The following UVRAG variants were observed in gnomAD, a reference collection of about 807,000 sequenced individuals.
The protein encoded by UVRAG is UV radiation resistance-associated gene protein.
UVRAG carries 19 observed loss-of-function variants against 78.0 expected under a neutral mutation model. That is an observed-to-expected ratio of 0.24 (90% CI 0.17 to 0.36). The LOEUF (loss-of-function observed/expected upper bound fraction) is 0.36. Among genes scored for constraint, UVRAG ranks in the 10% least tolerant of loss-of-function variants. The probability of loss-of-function intolerance (pLI) is 1.00; values close to 1 mark genes in which losing one functional copy is unlikely to be tolerated. For synonymous variants in UVRAG, 323 were observed against 324.6 expected, an observed-to-expected ratio of 1.00 and a Z score of 0.05; for missense variants, 740 against 853.8, an observed-to-expected ratio of 0.87 and a Z score of 1.66.
chr11:76,009,497 A>G (rs2135350586), intron 11 of UVRAG, among the ~76,000 whole-genome samples: 1 of 152,264 alleles, frequency 6.6e-6, no homozygotes, highest in Middle Eastern at 3.4e-3. Context: ...ATTGTTAGCC[A>G]AGTGGGTTCT....
At chr11:76,106,314 G>GTA (rs1951968655) in intron 13 of UVRAG, among the ~76,000 whole-genome samples, 2 of 152,046 alleles carry the variant, frequency 1.3e-5, no homozygotes, top group African/African-American at 4.8e-5. Flanking sequence ...TGATCTGAGT[G>GTA]TATAGTTCTT....
intron 14 of UVRAG, among the ~76,000 whole-genome samples, chr11:76,136,665 T>G (rs1440315679): frequency 6.6e-6 from 1 of 151,128 alleles, no homozygotes; most frequent in Non-Finnish European, 1.5e-5. Flanking sequence ...ACCCAGCTAA[T>G]TTTTTAATTT....
chr11:76,126,863 A>G (rs1952407466), intron 14 of UVRAG, among the ~76,000 whole-genome samples: 1 of 152,178 alleles, frequency 6.6e-6, no homozygotes, highest in South Asian at 2.1e-4. Context: ...GTTGGACTGC[A>G]CACAAATACC....
chr11:75,957,505 G>A (rs1375790280), intron 6 of UVRAG, among the ~76,000 whole-genome samples: 2 of 151,194 alleles, frequency 1.3e-5, no homozygotes, highest in Admixed American at 6.6e-5. Flanking sequence ...TTTCAAGATT[G>A]GTTTGTCCCT....
intron 12 of UVRAG, among the ~76,000 whole-genome samples, chr11:76,053,968 CAAA>C (rs11390273): frequency 2.4e-5 from 3 of 123,652 alleles, no homozygotes; most frequent in Admixed American, 8.3e-5. Flanking sequence ...GACTCCATCT[CAAA>C]AAAAAAAAAA....
At chr11:75,839,559 CTTGT>C (rs1182674507) in intron 1 of UVRAG, among the ~76,000 whole-genome samples, 1 of 151,672 alleles carries the variant, frequency 6.6e-6, no homozygotes, top group Non-Finnish European at 1.5e-5. Context: ...TTATCTTTGA[CTTGT>C]TTGTCTCTTT....
At chr11:75,822,456 C>A (rs542367402) in intron 1 of UVRAG, among the ~76,000 whole-genome samples, 1 of 152,322 alleles carries the variant, frequency 6.6e-6, no homozygotes, top group Non-Finnish European at 1.5e-5. Context: ...CTGCCACAAT[C>A]TCCTTAGAGT....
intron 1 of UVRAG, among the ~76,000 whole-genome samples, chr11:75,828,805 A>ATATATATATT (rs1478310271): frequency 1.0e-4 from 10 of 100,268 alleles, no homozygotes; most frequent in African/African-American, 3.6e-4. Context: ...ATATATATAT[A>ATATATATATT]TTTTTTTTTT....
intron 13 of UVRAG, among the ~76,000 whole-genome samples, chr11:76,109,255 T>C (rs2134455924): frequency 1.3e-5 from 2 of 152,304 alleles, no homozygotes; most frequent in African/African-American, 4.8e-5. Context: ...GTAAGATTTC[T>C]TAGAGACAAG....
intron 13 of UVRAG, among the ~76,000 whole-genome samples, chr11:76,097,119 A>T (rs1260886128): frequency 6.6e-6 from 1 of 152,124 alleles, no homozygotes; most frequent in Non-Finnish European, 1.5e-5. Flanking sequence ...TCTCCAGAAC[A>T]TTGCGTTTCC....
intron 12 of UVRAG, among the ~76,000 whole-genome samples, chr11:76,055,960 C>T (rs972505356): frequency 9.2e-5 from 14 of 152,142 alleles, no homozygotes; most frequent in African/African-American, 3.4e-4. Context: ...CTGCCCACCT[C>T]GGCCTCCCAA....
chr11:76,137,021 A>G (rs1298096030), intron 14 of UVRAG, among the ~76,000 whole-genome samples: 1 of 152,200 alleles, frequency 6.6e-6, no homozygotes, highest in East Asian at 1.9e-4. Flanking sequence ...GAGCTTGGCT[A>G]TCTTAAAAAT....
intron 2 of UVRAG, among the ~76,000 whole-genome samples, chr11:75,852,712 C>T (rs1190622837): frequency 2.0e-5 from 3 of 152,138 alleles, no homozygotes; most frequent in African/African-American, 4.8e-5. Context: ...TGGAACTTCA[C>T]TCTCCCCATT....
intron 1 of UVRAG, among the ~76,000 whole-genome samples, chr11:75,837,057 C>T (rs556054078): frequency 6.5e-4 from 98 of 151,852 alleles, no homozygotes; most frequent in Non-Finnish European, 1.2e-3. Context: ...TGGCCAGGAG[C>T]GGTGGCTCAC....
At chr11:75,881,835 A>C (rs1946952296) in intron 4 of UVRAG, among the ~76,000 whole-genome samples, 1 of 152,202 alleles carries the variant, frequency 6.6e-6, no homozygotes, top group African/African-American at 2.4e-5. Context: ...ATTTATAGCA[A>C]CCTTGTGAAG....
At chr11:75,945,425 A>G (rs1455529440) in intron 6 of UVRAG, among the ~76,000 whole-genome samples, 2 of 152,150 alleles carry the variant, frequency 1.3e-5, no homozygotes, top group Non-Finnish European at 2.9e-5. Flanking sequence ...TATAGATGAT[A>G]TGAAGTCTAG....
intron 3 of UVRAG, among the ~76,000 whole-genome samples, chr11:75,864,653 T>G (rs1254170818): frequency 6.6e-6 from 1 of 152,274 alleles, no homozygotes; most frequent in Non-Finnish European, 1.5e-5. Flanking sequence ...CCATTGTGCT[T>G]GGCACACAGA....
chr11:75,910,655 A>G (rs1565375425), intron 5 of UVRAG, among the ~76,000 whole-genome samples: 2 of 151,754 alleles, frequency 1.3e-5, no homozygotes. Context: ...TTATCAAGAC[A>G]GGGGAATTGC....
chr11:75,926,589 T>C (rs1217117201), intron 6 of UVRAG, among the ~76,000 whole-genome samples: 1 of 152,214 alleles, frequency 6.6e-6, no homozygotes, highest in Non-Finnish European at 1.5e-5. Flanking sequence ...AAGATGATCT[T>C]ATATTGCATT....
Sources: gnomAD v4.1 joint callset for allele counts (sites outside exome capture counted in the v4.1 genomes callset) on GRCh38, gnomAD v4.1.1 for gene constraint, MANE v1.5 for transcripts, NCBI Gene and HGNC (gene_info 2026-07-23, HGNC 2026-07-21) for gene names.